The following DHCR7 variants were observed in gnomAD, a reference collection of about 807,000 sequenced individuals.
DHCR7 encodes 7-dehydrocholesterol reductase.
DHCR7 carries 40 observed loss-of-function variants against 43.3 expected under a neutral mutation model. The ratio of observed to expected loss-of-function variants is 0.92; its 90% CI spans 0.72 to 1.20. The LOEUF (loss-of-function observed/expected upper bound fraction) is 1.20, where lower values mean the gene tolerates loss of function less well. Among genes scored for constraint, DHCR7 ranks in the 50% most tolerant of loss-of-function variants. The pLI is 0.00. For synonymous variants in DHCR7, 298 were observed against 271.4 expected, an observed-to-expected ratio of 1.10 and a Z score of -0.96; for missense variants, 608 against 644.6, an observed-to-expected ratio of 0.94 and a Z score of 0.62.
At chr11:71,429,779 A>G (rs1006869585), downstream of DHCR7, among the ~76,000 whole-genome samples, 4 of 152,164 alleles carry the variant, frequency 2.6e-5, no homozygotes, top group Admixed American at 6.5e-5. Context: ...GCTGTGAGCC[A>G]GGTGGACTTG....
At chr11:71,440,316 T>C (rs1269035582) in intron 6 of DHCR7, among the ~76,000 whole-genome samples, 2 of 151,798 alleles carry the variant, frequency 1.3e-5, no homozygotes, top group Non-Finnish European at 2.9e-5. Flanking sequence ...ATAGAGTGGA[T>C]GGATGGGTAA....
chr11:71,434,129 C>T (rs903848578), downstream of DHCR7, among the ~76,000 whole-genome samples: 44 of 152,338 alleles, frequency 2.9e-4, no homozygotes, highest in Non-Finnish European at 5.1e-4. Context: ...ATTCACTTGC[C>T]GGGGGCAGGT....
chr11:71,433,998 T>C (rs930338718), downstream of DHCR7, among the ~76,000 whole-genome samples: 1 of 152,196 alleles, frequency 6.6e-6, no homozygotes, highest in Admixed American at 6.5e-5. Context: ...CCAGTTCTCA[T>C]GTGAAGCAAT....
intron 8 of DHCR7, among the ~76,000 whole-genome samples, chr11:71,436,905 T>C (rs1949288067): frequency 6.6e-6 from 1 of 152,226 alleles, no homozygotes; most frequent in South Asian, 2.1e-4. Flanking sequence ...TAAGAGCTAT[T>C]ATATAGTGGG....
In DHCR7 at chr11:71,435,361, C is replaced by T; in HGVS notation, c.*14G>A. ...TCTTGACAGCCCCACAGGGCTTCTC[C>T]CTAGGGCGTGCCCTTAGAAGATTCC... On this transcript the variant is annotated 3_prime_UTR_variant, in exon 9 of 9. Coordinates refer to ENST00000355527, the MANE Select transcript of DHCR7 (RefSeq NM_001360.3). The T allele has an allele frequency of 1.2e-6, 2 of 1,610,572 alleles. No homozygotes were observed. The highest frequency in any genetic ancestry group is 2.2e-5 in the South Asian group (2 of 91,078).
chr11:71,428,565 T>C (rs1949212307), exon 3 of DHCR7: 1 of 261,506 alleles, frequency 3.8e-6, no homozygotes, highest in Non-Finnish European at 7.6e-6. Flanking sequence ...AGCCTTGAAC[T>C]TGCAGCCATT....
intron 8 of DHCR7, chr11:71,436,043 C>T: frequency 1.6e-6 from 1 of 617,144 alleles, no homozygotes; most frequent in Non-Finnish European, 2.9e-6. Context: ...TGCCTTCTAC[C>T]TGTCTGTGTG....
chr11:71,436,662 C>CAAA (rs5792559), intron 8 of DHCR7, among the ~76,000 whole-genome samples: 1 of 144,004 alleles, frequency 6.9e-6, no homozygotes, highest in Non-Finnish European at 1.5e-5. Context: ...GACTCCGTCT[C>CAAA]AAAAAAAAAA....
exon 3 of DHCR7, chr11:71,428,434 T>C (rs1168698650): frequency 6.4e-6 from 1 of 155,536 alleles, no homozygotes; most frequent in African/African-American, 2.4e-5. Flanking sequence ...TGTCCTATTC[T>C]TTTTGAGAGC....
chr11:71,437,644 C>T (rs1001325672), intron 8 of DHCR7, among the ~76,000 whole-genome samples, 168 bp downstream of exon 8: 2 of 152,236 alleles, frequency 1.3e-5, no homozygotes, highest in African/African-American at 4.8e-5. Flanking sequence ...GGCCACCTCC[C>T]TGGCTGCTGG....
intron 6 of DHCR7, 86 bp from the exon 7 acceptor site, chr11:71,439,169 G>T: frequency 1.5e-6 from 2 of 1,346,698 alleles, no homozygotes; most frequent in Non-Finnish European, 2.1e-6. Flanking sequence ...GCCCAGCACT[G>T]GCCCAGGGTC....
chr11:71,442,207 C>T (rs1384546744), intron 5 of DHCR7, 56 bp downstream of exon 5: 1 of 1,317,310 alleles, frequency 7.6e-7, no homozygotes, highest in Non-Finnish European at 1.1e-6. Context: ...AGGACTGGCC[C>T]CTGAGAGAAA....
intron 2 of DHCR7, among the ~76,000 whole-genome samples, 158 bp downstream of exon 2, chr11:71,447,452 A>T (rs946578855): frequency 6.6e-6 from 1 of 152,216 alleles, no homozygotes; most frequent in Non-Finnish European, 1.5e-5. Flanking sequence ...GACGGCTGGG[A>T]ACAGACAAAG....
chr11:71,442,113 G>C (rs1056144629), intron 5 of DHCR7, 150 bp downstream of exon 5: 4 of 674,334 alleles, frequency 5.9e-6, no homozygotes, highest in Non-Finnish European at 1.1e-5. Context: ...GCCCTCAATG[G>C]TTTTGAGGCC....
rs528351472 is a variant in DHCR7, at chr11:71,434,823, C to A, written c.*552G>T. The A allele has an allele frequency of 6.3e-6, 2 of 317,416 alleles. No homozygotes were observed. Among genetic ancestry groups the A allele is most frequent in the South Asian group, 5.3e-5 (2 of 38,004 alleles). The allele number at this position is 317,416 out of a possible 1,614,324, so 19.7% of individuals were successfully genotyped here. ...GCAGGAAGGAAACGACATGAAAGCC[C>A]CTTTCTCCCCAGTGTCCCAGTTCAA... On this transcript the variant is annotated 3_prime_UTR_variant, in exon 9 of 9. Coordinates refer to ENST00000355527, the MANE Select transcript of DHCR7 (RefSeq NM_001360.3).
At chr11:71,448,240 ACTGCGCACACCTTCCCCTGGCCTCAC>A (rs1242220337) in intron 1 of DHCR7, 24 bp downstream of exon 1, 1 of 145,690 alleles carries the variant, frequency 6.9e-6, no homozygotes, top group African/African-American at 2.7e-5. Context: ...AGCGCCCCCC[ACTGCGCACACCTTCCCCTGGCCTCAC>A]CTGCGCACAC....
chr11:71,442,160 T>G (rs1049271219), intron 5 of DHCR7, 103 bp downstream of exon 5: 1 of 908,298 alleles, frequency 1.1e-6, no homozygotes, highest in Non-Finnish European at 1.8e-6. Context: ...TGGATTTCTA[T>G]CCTGTGACAA....
downstream of DHCR7, among the ~76,000 whole-genome samples, chr11:71,430,135 G>A (rs567703905): frequency 6.6e-6 from 1 of 152,324 alleles, no homozygotes; most frequent in African/African-American, 2.4e-5. Context: ...CACACAGAGG[G>A]GACTTAGATC....
chr11:71,445,370 A>G (rs1949394789), intron 2 of DHCR7, among the ~76,000 whole-genome samples: 1 of 152,208 alleles, frequency 6.6e-6, no homozygotes, highest in Non-Finnish European at 1.5e-5. Flanking sequence ...CTCTGCTTAG[A>G]GCACGTTTGC....
Sources: allele counts gnomAD v4.1 joint callset (sites outside exome capture counted in the v4.1 genomes callset), GRCh38; gene constraint gnomAD v4.1.1; transcripts MANE v1.5; gene names NCBI Gene and HGNC (gene_info 2026-07-23, HGNC 2026-07-21).